DISC1: variants seen among roughly 807,000 people sequenced by gnomAD.
DISC1 encodes the protein DISC1 scaffold protein.
In DISC1, 57 loss-of-function variants were observed where a neutral mutation model predicts 84.5. The ratio of observed to expected loss-of-function variants is 0.67; its 90% CI spans 0.55 to 0.84. The LOEUF is 0.84. Ranked by LOEUF, DISC1 falls within the 40% of genes least tolerant of loss-of-function variation. The pLI, the probability that DISC1 is intolerant of heterozygous loss-of-function variation, is 0.00. For synonymous variants in DISC1, 411 were observed against 415.2 expected, an observed-to-expected ratio of 0.99 and a Z score of 0.12; for missense variants, 1,000 against 1,057.8, an observed-to-expected ratio of 0.95 and a Z score of 0.76.
chr1:232,040,420 T>A lies in DISC1; in HGVS notation c.*3589T>A, dbSNP rs543969899. On this transcript the variant is annotated 3_prime_UTR_variant, in exon 13 of 13. Transcript: ENST00000439617. ...AAACATGTAACGGTTGGTACCATGC[T>A]AAGCCCTTGCCATGCTAAGCCCTTT... 5.9e-5 allele frequency: 9 copies of A among 152,322 alleles called. No homozygotes were observed. The highest frequency in any genetic ancestry group is 1.9e-4 in the African/African-American group (8 of 41,568). The allele number at this position is 152,322 out of a possible 1,614,324, so 9.4% of individuals were successfully genotyped here. A position where few individuals can be genotyped will look rare whatever the true frequency, so the allele number is the denominator to read the frequency against.
intron 10 of DISC1, among the ~76,000 whole-genome samples, chr1:231,987,808 T>C (rs571978472): frequency 6.6e-6 from 1 of 152,304 alleles, no homozygotes; most frequent in South Asian, 2.1e-4. Context: ...TGTTACCACA[T>C]GTATTAAAAT....
chr1:231,803,875 A>G (rs1326084684), intron 8 of DISC1, among the ~76,000 whole-genome samples: 1 of 122,676 alleles, frequency 8.2e-6, no homozygotes, highest in East Asian at 2.8e-4. Context: ...ATGAACCGGG[A>G]GGCGGAGCTT....
At chr1:231,662,669 C>T (rs1407592900) in intron 1 of DISC1, among the ~76,000 whole-genome samples, 2 of 152,246 alleles carry the variant, frequency 1.3e-5, no homozygotes, top group Non-Finnish European at 2.9e-5. Flanking sequence ...GAAACTCGGA[C>T]CTATCTCAGG....
intron 11 of DISC1, among the ~76,000 whole-genome samples, chr1:232,015,172 G>C (rs1295901870): frequency 1.3e-5 from 2 of 152,096 alleles, no homozygotes; most frequent in Non-Finnish European, 2.9e-5. Context: ...TCATCAGCTT[G>C]TCAGCCTCCT....
Position 231,666,309 on chromosome 1 carries a change from GAAAAA to G in DISC1, c.68-27501_68-27497del, listed in dbSNP as rs751745733. ...TTGTGTCATGTAGCTTTTGTCTCAG[GAAAAA>G]AAAAAAAAAAAAAAAGCACAGTACG... On this transcript the variant is annotated intron_variant, in intron 1 of 12. Coordinates refer to ENST00000439617, the MANE Select transcript of DISC1 (RefSeq NM_018662.3). Among the ~76,000 whole-genome samples the G allele has an allele frequency of 6.9e-5, 6 of 87,264 alleles. 1 individual carries two copies. The South Asian group carries it at 1.1e-3, about 17-fold the overall frequency. 57.2% of individuals were successfully genotyped at this position (87,264 alleles called of 152,430 possible).
intron 1 of DISC1, among the ~76,000 whole-genome samples, chr1:231,631,877 A>G (rs1186021473): frequency 6.6e-6 from 1 of 152,104 alleles, no homozygotes; most frequent in Non-Finnish European, 1.5e-5. Flanking sequence ...AGTAGCATGA[A>G]ATTATGTCCT....
At chr1:231,999,667 T>G (rs2102956531) in intron 10 of DISC1, among the ~76,000 whole-genome samples, 1 of 152,288 alleles carries the variant, frequency 6.6e-6, no homozygotes, top group East Asian at 1.9e-4. Context: ...AGTCTTCTTG[T>G]CCTCCAGAGT....
chr1:231,776,463 C>CAAACTCA (rs1411106108), intron 6 of DISC1, among the ~76,000 whole-genome samples: 33 of 152,336 alleles, frequency 2.2e-4, no homozygotes, highest in Non-Finnish European at 4.1e-4. Context: ...CCCCTGGTTA[C>CAAACTCA]AGGAGGGCTG....
chr1:231,882,251 C>T (rs9432042), intron 9 of DISC1, among the ~76,000 whole-genome samples: 3,584 of 152,268 alleles, frequency 0.024, 144 homozygotes, highest in African/African-American at 0.082. Context: ...GAGATAATCT[C>T]TAAATATTCC....
chr1:231,699,165 C>G (rs781246055), intron 2 of DISC1, among the ~76,000 whole-genome samples: 2 of 152,156 alleles, frequency 1.3e-5, no homozygotes, highest in African/African-American at 4.8e-5. Context: ...CGATCAAATG[C>G]TTCAGCGTAG....
chr1:231,631,295 G>A (rs545382640), intron 1 of DISC1, among the ~76,000 whole-genome samples: 36 of 152,340 alleles, frequency 2.4e-4, no homozygotes, highest in Admixed American at 2.4e-3. Flanking sequence ...TCACATATGT[G>A]AGAGTGGTCC....
At chr1:231,998,528 G>T (rs764155019) in intron 10 of DISC1, among the ~76,000 whole-genome samples, 2 of 152,102 alleles carry the variant, frequency 1.3e-5, no homozygotes, top group Non-Finnish European at 2.9e-5. Context: ...TAAAGGATGA[G>T]AACTAGATCG....
chr1:231,748,763 A>T (rs1307076922), intron 3 of DISC1, among the ~76,000 whole-genome samples: 2 of 152,196 alleles, frequency 1.3e-5, no homozygotes, highest in African/African-American at 4.8e-5. Context: ...GTTAGGAGGA[A>T]TTCCTTGCCT....
In DISC1 at chr1:231,761,926, A is replaced by C. The variant is rs1187694569; in HGVS notation, c.1269-5214A>C. 6.5e-5 allele frequency among the ~76,000 whole-genome samples: 3 copies of C among 45,956 alleles called. No homozygotes were observed. In the East Asian group the frequency reaches 1.3e-3, roughly 20 times the overall value. 30.1% of individuals were successfully genotyped at this position (45,956 alleles called of 152,430 possible). A position where few individuals can be genotyped will look rare whatever the true frequency, so the allele number is the denominator to read the frequency against. ...CCTTCCCTCCAGGTTCACAGTCAGG[A>C]ACGAGTAACTGCAAACAGGCTGAGA... On this transcript the variant is annotated intron_variant, in intron 4 of 12. Transcript: ENST00000439617.
intron 3 of DISC1, among the ~76,000 whole-genome samples, chr1:231,713,356 A>G (rs1010289187): frequency 6.6e-6 from 1 of 152,210 alleles, no homozygotes; most frequent in African/African-American, 2.4e-5. Context: ...ATACTTTAAA[A>G]TGATTGTCTT....
At chr1:231,956,114 TG>T (rs1659453595) in intron 9 of DISC1, among the ~76,000 whole-genome samples, 2 of 152,318 alleles carry the variant, frequency 1.3e-5, no homozygotes, top group South Asian at 4.1e-4. Context: ...AGGGAAGGAA[TG>T]CTACACAGAG....
Position 231,825,697 on chromosome 1 carries a change from G to A in DISC1, c.1981+7180G>A, listed in dbSNP as rs140087622. On this transcript the variant is annotated intron_variant, in intron 9 of 12. Coordinates refer to ENST00000439617, the MANE Select transcript of DISC1 (RefSeq NM_018662.3). The stretch of plus-strand genomic sequence containing the variant: ...CCCCATTTTTCAATGCCCCCAGGTA[G>A]GAGTGGTACCACCCTCAGTTAACTG... 1.8e-3 allele frequency among the ~76,000 whole-genome samples: 267 copies of A among 151,930 alleles called. 3 individuals carry two copies. Among genetic ancestry groups the A allele is most frequent in the African/African-American group, 6.0e-3 (250 of 41,430 alleles).
rs560421413 is a variant in DISC1, at chr1:232,036,904, A to G, written c.*73A>G. On this transcript the variant is annotated 3_prime_UTR_variant, in exon 13 of 13. Transcript: ENST00000439617. Reference sequence around the variant, plus strand: ...GGGGGCTGCTCTTCCCTCCCCCGCCATAGCTAAGATGCCTGAATCAATTAC... The same window carrying G: ...GGGGGCTGCTCTTCCCTCCCCCGCCGTAGCTAAGATGCCTGAATCAATTAC... 92 of 1,408,090 alleles carry G rather than the reference A, an allele frequency of 6.5e-5. No homozygotes were observed. The East Asian group carries it at 2.1e-3, about 32-fold the overall frequency. The allele number at this position is 1,408,090 out of a possible 1,614,324, so 87.2% of individuals were successfully genotyped here.
intron 11 of DISC1, among the ~76,000 whole-genome samples, chr1:232,017,986 C>G (rs190300185): frequency 6.6e-6 from 1 of 152,114 alleles, no homozygotes; most frequent in Admixed American, 6.5e-5. Context: ...AGGTGTAACC[C>G]GTCTGCTCAA....
Sources: allele counts gnomAD v4.1 joint callset (sites outside exome capture counted in the v4.1 genomes callset), GRCh38; gene constraint gnomAD v4.1.1; transcripts MANE v1.5; gene names NCBI Gene and HGNC (gene_info 2026-07-23, HGNC 2026-07-21).